Variants in CDH23 observed in about 807,000 individuals in gnomAD.
CDH23 encodes the protein cadherin related 23, also known as cadherin-23.
CDH23 carries 189 observed loss-of-function variants against 317.1 expected under a neutral mutation model. The observed-to-expected ratio is 0.60, with a 90% confidence interval of 0.53 to 0.67. CDH23 has a LOEUF of 0.67. CDH23 is among the 30% of genes least tolerant of loss of function. The probability of loss-of-function intolerance (pLI) is 0.00; values close to 1 mark genes in which losing one functional copy is unlikely to be tolerated. For missense variants in CDH23, 4,401 were observed against 4,592.4 expected, an observed-to-expected ratio of 0.96 and a Z score of 1.20; for synonymous variants, 1,839 against 1,876.8, an observed-to-expected ratio of 0.98 and a Z score of 0.52.
At chr10:71,445,065 C>T (rs908411320) in intron 2 of CDH23, among the ~76,000 whole-genome samples, 6 of 152,186 alleles carry the variant, frequency 3.9e-5, no homozygotes, top group Non-Finnish European at 7.4e-5. Context: ...GTAGGTATCA[C>T]CCTGACCCCC....
chr10:71,782,441 C>T (rs572100666), intron 41 of CDH23, among the ~76,000 whole-genome samples: 8 of 152,370 alleles, frequency 5.3e-5, no homozygotes, highest in Non-Finnish European at 1.0e-4. Flanking sequence ...AGGCAAGGCT[C>T]CTTAACATGC....
intron 11 of CDH23, among the ~76,000 whole-genome samples, chr10:71,642,500 G>A (rs1219738721): frequency 1.4e-5 from 2 of 144,190 alleles, no homozygotes; most frequent in African/African-American, 2.5e-5. Flanking sequence ...CCGGCTTCAA[G>A]CAATTCTCCT....
At position 71,802,028 on chromosome 10, in the gene CDH23, C is replaced by T. The variant is rs148883031; in HGVS notation, c.7483-870C>T. 1.5e-3 allele frequency among the ~76,000 whole-genome samples: 229 copies of T among 152,312 alleles called. 4 individuals are homozygous for T. In the East Asian group the frequency reaches 0.029, roughly 19 times the overall value. ...GATCTTTAAAGTCACGGCTGCTGGC[C>T]GGAGCATGGTGGCTCATGCCTGTAA... On this transcript the variant is annotated intron_variant, in intron 53 of 69. Coordinates refer to ENST00000224721, the MANE Select transcript of CDH23 (RefSeq NM_022124.6).
intron 56 of CDH23, 34 bp downstream of exon 56, chr10:71,806,031 T>TGGG: frequency 8.5e-6 from 4 of 468,378 alleles, no homozygotes; most frequent in African/African-American, 2.7e-5. Flanking sequence ...GGGCGGGGTC[T>TGGG]GGGGCGGGGC....
Position 71,813,273 on chromosome 10 carries a change from T to C in CDH23, c.9663T>C (p.Asp3221=), listed in dbSNP as rs1049591807. The change falls in exon 69 of 70, where the codon GAT becomes GAC. Residue 3221 remains aspartate, a synonymous_variant. Transcript: ENST00000224721. ...KGSLLKVVLE[D]YLRLKKLFAQ... is the part of the protein sequence containing the mutation. ...CGCTGCTGAAGGTGGTCCTGGAGGA[T>C]TACCTGCGGCTCAAAAAGCTCTTTG... is the stretch of plus-strand genomic sequence containing the variant. 82 of 1,551,496 alleles carry C rather than the reference T, an allele frequency of 5.3e-5. No individual in the cohort carries two copies. The highest frequency in any genetic ancestry group is 7.1e-5 in the Non-Finnish European group (81 of 1,146,974).
chr10:71,531,395 C>T (rs1855367717), intron 6 of CDH23, among the ~76,000 whole-genome samples: 2 of 152,232 alleles, frequency 1.3e-5, no homozygotes, highest in Admixed American at 1.3e-4. Flanking sequence ...TTCTGAACCT[C>T]CATTGACACC....
chr10:71,806,862 T>C (rs894639835), intron 57 of CDH23, among the ~76,000 whole-genome samples: 2 of 152,172 alleles, frequency 1.3e-5, no homozygotes, highest in African/African-American at 4.8e-5. Context: ...CCCGCCCAGC[T>C]CTGATTTATT....
chr10:71,608,452 C>G (rs958240735), intron 9 of CDH23, among the ~76,000 whole-genome samples: 1 of 152,216 alleles, frequency 6.6e-6, no homozygotes, highest in South Asian at 2.1e-4. Context: ...CCTAAGATCC[C>G]GAGCTCCTCA....
chr10:71,459,202 C>A (rs1425666502), intron 3 of CDH23, among the ~76,000 whole-genome samples: 1 of 150,804 alleles, frequency 6.6e-6, no homozygotes, highest in Non-Finnish European at 1.5e-5. Context: ...ATCCTCCCAT[C>A]TCAGCCTCCC....
At chr10:71,784,192 G>A (rs1044253148) in intron 41 of CDH23, 95 bp from the exon 42 acceptor site, 25 of 1,388,542 alleles carry the variant, frequency 1.8e-5, no homozygotes, top group Non-Finnish European at 2.2e-5. Context: ...CACCTGTGAC[G>A]AGTGAGGCTT....
rs771106532 is a variant in CDH23 at position 71,713,267 on chromosome 10, G to A, written c.3369+454G>A. ...AAGAAGAAAGGGCTCCTTTGCCCAG[G>A]GAGCAGGCGCAACAGCTCCAAGGCT... On this transcript the variant is annotated intron_variant, in intron 28 of 69. Transcript: ENST00000224721. 5 of 779,346 alleles carry A rather than the reference G, an allele frequency of 6.4e-6. No individual in the cohort carries two copies. In the Admixed American group the frequency reaches 6.8e-5, roughly 11 times the overall value. 48.3% of individuals were successfully genotyped at this position (779,346 alleles called of 1,614,324 possible). A position where few individuals can be genotyped will look rare whatever the true frequency, so the allele number is the denominator to read the frequency against.
At chr10:71,620,352 C>A (rs921003919) in intron 11 of CDH23, among the ~76,000 whole-genome samples, 2 of 152,156 alleles carry the variant, frequency 1.3e-5, no homozygotes, top group African/African-American at 4.8e-5. Context: ...CCGTTGTCAT[C>A]ATTCAGGAGC....
chr10:71,492,542 T>C lies in CDH23; in HGVS notation c.146-17540T>C, dbSNP rs540833346. On this transcript the variant is annotated intron_variant, in intron 3 of 69. Coordinates refer to ENST00000224721, the MANE Select transcript of CDH23 (RefSeq NM_022124.6). Reference sequence around the variant, plus strand: ...CTCCTTGGGATGTGCTTTGCAGAGATGGAATGGAGTCCTTGGTGTGGCTTT... The same window carrying C: ...CTCCTTGGGATGTGCTTTGCAGAGACGGAATGGAGTCCTTGGTGTGGCTTT... 2.0e-5 allele frequency among the ~76,000 whole-genome samples: 3 copies of C among 152,308 alleles called. No individual in the cohort carries two copies. The East Asian group carries it at 5.8e-4, about 29-fold the overall frequency.
intron 6 of CDH23, among the ~76,000 whole-genome samples, chr10:71,552,984 C>G (rs958955580): frequency 2.0e-5 from 3 of 152,190 alleles, no homozygotes; most frequent in Non-Finnish European, 4.4e-5. Context: ...CCAGTCCCCC[C>G]ACTCCCAGCT....
chr10:71,443,597 G>A (rs1297303922), intron 2 of CDH23, among the ~76,000 whole-genome samples: 1 of 152,268 alleles, frequency 6.6e-6, no homozygotes, highest in Non-Finnish European at 1.5e-5. Flanking sequence ...GGCAGAGAGG[G>A]CGGGAGAGGG....
At position 71,815,462 on chromosome 10, in the gene CDH23, C is replaced by T; in HGVS notation, c.*184C>T. ...CCACTTTTGCCAGACGCTCATTCAG[C>T]ATCTGACCTCTACCTTCATAAGATC... On this transcript the variant is annotated 3_prime_UTR_variant, in exon 70 of 70. Transcript: ENST00000224721. 1 of 525,304 alleles carries T rather than the reference C, an allele frequency of 1.9e-6. No homozygotes were observed. Among genetic ancestry groups the T allele is most frequent in the Non-Finnish European group, 3.4e-6 (1 of 298,050 alleles). The allele number at this position is 525,304 out of a possible 1,614,324, so 32.5% of individuals were successfully genotyped here.
chr10:71,580,290 G>C (rs1858531781), intron 9 of CDH23, among the ~76,000 whole-genome samples: 1 of 152,232 alleles, frequency 6.6e-6, no homozygotes, highest in Non-Finnish European at 1.5e-5. Context: ...AGCATCTCCA[G>C]TGGCAAAATC....
At chr10:71,636,420 A>G (rs1462882760) in intron 11 of CDH23, among the ~76,000 whole-genome samples, 1 of 152,106 alleles carries the variant, frequency 6.6e-6, no homozygotes, top group Non-Finnish European at 1.5e-5. Context: ...ACTTGAGAGG[A>G]TTGCTTGAGC....
At chr10:71,730,391 C>T (rs1010246733) in intron 30 of CDH23, 78 bp from the exon 31 acceptor site, 159 of 1,540,870 alleles carry the variant, frequency 1.0e-4, no homozygotes, top group Non-Finnish European at 1.3e-4. Context: ...CCACACAAGG[C>T]GGCCACAGTG....
Sources: allele counts gnomAD v4.1 joint callset (sites outside exome capture counted in the v4.1 genomes callset), GRCh38; gene constraint gnomAD v4.1.1; transcripts MANE v1.5; gene names NCBI Gene and HGNC (gene_info 2026-07-23, HGNC 2026-07-21).